ANKS1B: variants seen among roughly 807,000 people sequenced by gnomAD.
ANKS1B encodes the protein ankyrin repeat and sterile alpha motif domain containing 1B.
A neutral mutation model predicts 148.3 loss-of-function variants in ANKS1B; 36 were observed. The observed-to-expected ratio is 0.24, with a 90% CI of 0.19 to 0.32. The LOEUF is 0.32. ANKS1B is among the 10% of genes least tolerant of loss of function. ANKS1B has a pLI of 1.00. For synonymous variants in ANKS1B, 542 were observed against 560.8 expected, an observed-to-expected ratio of 0.97 and a Z score of 0.47; for missense variants, 1,157 against 1,542.6, an observed-to-expected ratio of 0.75 and a Z score of 4.19.
intron 14 of ANKS1B, among the ~76,000 whole-genome samples, chr12:99,241,973 C>T (rs992658984): frequency 2.0e-5 from 3 of 152,160 alleles, no homozygotes; most frequent in Non-Finnish European, 2.9e-5. Flanking sequence ...GAAGCATTCC[C>T]TTTGAAAACC....
At chr12:98,794,235 T>G (rs911124940) in intron 22 of ANKS1B, among the ~76,000 whole-genome samples, 8 of 151,450 alleles carry the variant, frequency 5.3e-5, no homozygotes, top group African/African-American at 1.9e-4. Flanking sequence ...CTACTAAAAA[T>G]ACAAAAGTTA....
chr12:98,988,696 G>A (rs1341570922), intron 17 of ANKS1B, among the ~76,000 whole-genome samples: 1 of 152,048 alleles, frequency 6.6e-6, no homozygotes, highest in Non-Finnish European at 1.5e-5. Flanking sequence ...TTCCATGGCT[G>A]TATTAATTTA....
At chr12:99,468,516 A>G (rs11610215) in intron 10 of ANKS1B, among the ~76,000 whole-genome samples, 30,375 of 151,954 alleles carry the variant, frequency 0.2, 3,105 homozygotes, top group Middle Eastern at 0.24. Flanking sequence ...TAAAAAATGG[A>G]AGAAAATTTT....
intron 14 of ANKS1B, among the ~76,000 whole-genome samples, chr12:99,172,596 T>A (rs1302839218): frequency 6.6e-6 from 1 of 152,190 alleles, no homozygotes; most frequent in African/African-American, 2.4e-5. Flanking sequence ...GCTGCAGAAG[T>A]CAGACATGAG....
At chr12:98,994,152 T>G (rs1006038697) in intron 17 of ANKS1B, among the ~76,000 whole-genome samples, 8 of 152,312 alleles carry the variant, frequency 5.3e-5, no homozygotes, top group African/African-American at 1.7e-4. Flanking sequence ...CATTAATTAT[T>G]ATTTATCCCC....
intron 4 of ANKS1B, among the ~76,000 whole-genome samples, chr12:99,785,241 A>G (rs927981387): frequency 6.7e-6 from 1 of 148,802 alleles, no homozygotes; most frequent in Non-Finnish European, 1.5e-5. Context: ...TCAAGAATCT[A>G]ACAAGTATCA....
intron 17 of ANKS1B, among the ~76,000 whole-genome samples, chr12:98,872,055 A>G (rs115729376): frequency 0.028 from 4,212 of 152,320 alleles, 203 homozygotes; most frequent in African/African-American, 0.097. Context: ...CTGGGCAGAT[A>G]AGAGCTCATC....
At chr12:99,208,792 T>C (rs1404492760) in intron 14 of ANKS1B, among the ~76,000 whole-genome samples, 3 of 152,160 alleles carry the variant, frequency 2.0e-5, no homozygotes, top group African/African-American at 4.8e-5. Flanking sequence ...ATTTGAAACA[T>C]TACTTGTTAT....
At chr12:98,737,581 C>A (rs2097779743) in intron 9 of ANKS1B, among the ~76,000 whole-genome samples, 1 of 152,162 alleles carries the variant, frequency 6.6e-6, no homozygotes, top group Admixed American at 6.5e-5. Context: ...TGTTGGATGA[C>A]TGGAATTCAT....
intron 14 of ANKS1B, among the ~76,000 whole-genome samples, chr12:99,205,064 C>CA (rs1022161085): frequency 2.6e-5 from 4 of 152,042 alleles, no homozygotes; most frequent in African/African-American, 9.7e-5. Flanking sequence ...CCAGGCCCCC[C>CA]CCAAAAAGAA....
At chr12:99,887,682 T>A (rs2092900213) in intron 1 of ANKS1B, among the ~76,000 whole-genome samples, 2 of 152,206 alleles carry the variant, frequency 1.3e-5, no homozygotes, top group Non-Finnish European at 2.9e-5. Context: ...TATGATACAG[T>A]ACTAGTACGA....
intron 12 of ANKS1B, among the ~76,000 whole-genome samples, chr12:99,376,978 TAC>T (rs149155489): frequency 2.5e-4 from 38 of 149,046 alleles, no homozygotes; most frequent in South Asian, 2.1e-4. Flanking sequence ...ACCTGCACCT[TAC>T]ACACACACAC....
chr12:99,116,320 G>T (rs1196351548), intron 15 of ANKS1B, among the ~76,000 whole-genome samples: 1 of 152,132 alleles, frequency 6.6e-6, no homozygotes, highest in Non-Finnish European at 1.5e-5. Flanking sequence ...GTTGGCTCAG[G>T]ATAGATTCAG....
intron 12 of ANKS1B, among the ~76,000 whole-genome samples, chr12:99,337,772 C>T (rs1024397781): frequency 6.6e-6 from 1 of 152,176 alleles, no homozygotes; most frequent in Non-Finnish European, 1.5e-5. Flanking sequence ...GAGGTCCAGC[C>T]TTGGTGGACC....
chr12:98,848,838 A>C (rs528256151), intron 17 of ANKS1B, among the ~76,000 whole-genome samples: 2 of 141,210 alleles, frequency 1.4e-5, no homozygotes, highest in South Asian at 2.4e-4. Flanking sequence ...TCCCAGATTT[A>C]AACGATTCTC....
chr12:99,228,748 C>T (rs1451658497), intron 14 of ANKS1B, among the ~76,000 whole-genome samples: 2 of 151,664 alleles, frequency 1.3e-5, no homozygotes, highest in Admixed American at 6.6e-5. Context: ...AAAATAAAAA[C>T]AAGTCCAATG....
At chr12:99,153,282 G>A (rs925897191) in intron 15 of ANKS1B, among the ~76,000 whole-genome samples, 9 of 152,036 alleles carry the variant, frequency 5.9e-5, no homozygotes, top group African/African-American at 2.2e-4. Flanking sequence ...TATCATTTCT[G>A]GTACTAGTAA....
chr12:99,609,568 A>G (rs1360775891), intron 9 of ANKS1B, among the ~76,000 whole-genome samples: 2 of 151,280 alleles, frequency 1.3e-5, no homozygotes, highest in Non-Finnish European at 2.9e-5. Flanking sequence ...AAATCCCCTG[A>G]GAGCTGGCAC....
At chr12:98,920,272 A>G (rs904236199) in intron 17 of ANKS1B, among the ~76,000 whole-genome samples, 2 of 152,246 alleles carry the variant, frequency 1.3e-5, no homozygotes, top group African/African-American at 4.8e-5. Flanking sequence ...GGGCACCTTG[A>G]TCTGGATCAA....
Sources: gnomAD v4.1 joint callset for allele counts (sites outside exome capture counted in the v4.1 genomes callset) on GRCh38, gnomAD v4.1.1 for gene constraint, MANE v1.5 for transcripts, NCBI Gene and HGNC (gene_info 2026-07-23, HGNC 2026-07-21) for gene names.